Variants in IFI27L1 observed in about 807,000 individuals in gnomAD.
The protein encoded by IFI27L1 is interferon alpha inducible protein 27 like 1.
A neutral mutation model predicts 9.2 loss-of-function variants in IFI27L1; 3 were observed. The observed-to-expected ratio is 0.32, with a 90% confidence interval of 0.15 to 0.84. The LOEUF (loss-of-function observed/expected upper bound fraction) is 0.84. Ranked by LOEUF, IFI27L1 falls within the 40% of genes least tolerant of loss-of-function variation. The probability of loss-of-function intolerance (pLI) is 0.56; values close to 1 mark genes in which losing one functional copy is unlikely to be tolerated. For missense variants in IFI27L1, 133 were observed against 134.2 expected, an observed-to-expected ratio of 0.99 and a Z score of 0.05; for synonymous variants, 53 against 50.0, an observed-to-expected ratio of 1.06 and a Z score of -0.26.
intron 2 of IFI27L1, among the ~76,000 whole-genome samples, chr14:94,098,003 C>T (rs1396095746): frequency 2.0e-5 from 3 of 152,076 alleles, no homozygotes; most frequent in African/African-American, 2.4e-5. Context: ...AGTCTGAGGA[C>T]GGACCCTGGA....
intron 1 of IFI27L1, among the ~76,000 whole-genome samples, chr14:94,082,554 T>G (rs1886144277): frequency 6.6e-6 from 1 of 152,206 alleles, no homozygotes; most frequent in African/African-American, 2.4e-5. Context: ...AGCTCACTCT[T>G]TTGTTAGAGG....
At chr14:94,086,505 T>C (rs1294438026) in intron 1 of IFI27L1, among the ~76,000 whole-genome samples, 1 of 152,158 alleles carries the variant, frequency 6.6e-6, no homozygotes, top group African/African-American at 2.4e-5. Flanking sequence ...AATATTAATC[T>C]ATAACCAGGG....
chr14:94,084,397 G>A (rs911435076), intron 1 of IFI27L1, among the ~76,000 whole-genome samples: 2 of 152,184 alleles, frequency 1.3e-5, no homozygotes, highest in East Asian at 1.9e-4. Flanking sequence ...AGCTACTTAG[G>A]GGGCTGAAGT....
chr14:94,095,718 G>A (rs1028152151), intron 1 of IFI27L1, among the ~76,000 whole-genome samples: 4 of 152,088 alleles, frequency 2.6e-5, no homozygotes, highest in African/African-American at 9.7e-5. Flanking sequence ...GTGCGAATTT[G>A]TTCATTACCA....
chr14:94,096,365 T>C (rs1028217444), intron 1 of IFI27L1, among the ~76,000 whole-genome samples: 1 of 152,200 alleles, frequency 6.6e-6, no homozygotes, highest in Non-Finnish European at 1.5e-5. Context: ...TTGTGAATAA[T>C]GCTGCTACGA....
chr14:94,091,598 G>A (rs1192783932), intron 1 of IFI27L1, among the ~76,000 whole-genome samples: 1 of 152,032 alleles, frequency 6.6e-6, no homozygotes, highest in Non-Finnish European at 1.5e-5. Context: ...TTTGATTTTG[G>A]AAATTTTGCC....
intron 2 of IFI27L1, 40 bp downstream of exon 2, chr14:94,097,005 C>A: frequency 1.3e-6 from 2 of 1,563,664 alleles, no homozygotes; most frequent in Non-Finnish European, 1.7e-6. Flanking sequence ...CTGGTCCTTC[C>A]GAGGTGAATG....
chr14:94,085,258 G>T (rs537428197), intron 1 of IFI27L1, among the ~76,000 whole-genome samples: 1 of 152,208 alleles, frequency 6.6e-6, no homozygotes, highest in Admixed American at 6.5e-5. Context: ...CTAGAAGGGT[G>T]GGGGAATCAG....
intron 1 of IFI27L1, among the ~76,000 whole-genome samples, chr14:94,094,021 G>A (rs1886578974): frequency 6.6e-6 from 1 of 152,106 alleles, no homozygotes; most frequent in Non-Finnish European, 1.5e-5. Context: ...CTGGAAATGA[G>A]GCTGTGTCCC....
At chr14:94,084,413 G>A (rs549283865) in intron 1 of IFI27L1, among the ~76,000 whole-genome samples, 1 of 152,310 alleles carries the variant, frequency 6.6e-6, no homozygotes, top group African/African-American at 2.4e-5. Context: ...GAAGTGGGAG[G>A]ATTGCTTGAG....
Position 94,102,612 on chromosome 14 carries a change from C to T in IFI27L1, c.*44C>T. The T allele has an allele frequency of 8.9e-7, 1 of 1,126,630 alleles. No homozygotes were observed. Among genetic ancestry groups the T allele is most frequent in the Non-Finnish European group, 1.2e-6 (1 of 800,138 alleles). 69.8% of individuals were successfully genotyped at this position (1,126,630 alleles called of 1,614,324 possible). ...GAGTTGGCTCTCTTGGTGGAGATGA[C>T]TTTCCTGGGCCTCTGGATGACAATC... On this transcript the variant is annotated 3_prime_UTR_variant, in exon 5 of 5. Coordinates refer to ENST00000555523, the MANE Select transcript of IFI27L1 (RefSeq NM_206949.3).
intron 1 of IFI27L1, among the ~76,000 whole-genome samples, chr14:94,089,632 A>G (rs1000611809): frequency 2.6e-5 from 4 of 152,284 alleles, no homozygotes; most frequent in Non-Finnish European, 5.9e-5. Context: ...GTGACTAAGA[A>G]TGCGTAACCT....
At chr14:94,090,660 A>G (rs1886445067) in intron 1 of IFI27L1, among the ~76,000 whole-genome samples, 1 of 152,220 alleles carries the variant, frequency 6.6e-6, no homozygotes, top group Non-Finnish European at 1.5e-5. Context: ...GGAACCCTGT[A>G]CAGTGACTGT....
At chr14:94,094,662 A>G (rs891849217) in intron 1 of IFI27L1, 2 of 152,168 alleles carry the variant, frequency 1.3e-5, no homozygotes. Context: ...CTTGTTTAGC[A>G]TATAATCAAT....
chr14:94,101,343 G>T, intron 3 of IFI27L1: 1 of 219,192 alleles, frequency 4.6e-6, no homozygotes. Flanking sequence ...ATGGCTCTCT[G>T]ACTGCACTGC....
At chr14:94,100,814 T>TC (rs1015096846) in intron 3 of IFI27L1, 43 bp downstream of exon 3, 3 of 1,603,762 alleles carry the variant, frequency 1.9e-6, no homozygotes, top group Non-Finnish European at 2.6e-6. Flanking sequence ...ATCCCCCGCC[T>TC]CCCCCCAGCC....
At chr14:94,095,767 A>G (rs919475570) in intron 1 of IFI27L1, among the ~76,000 whole-genome samples, 2 of 152,176 alleles carry the variant, frequency 1.3e-5, no homozygotes, top group African/African-American at 4.8e-5. Flanking sequence ...ATTTTCCCCC[A>G]TGACCTGAGC....
intron 3 of IFI27L1, 44 bp downstream of exon 3, chr14:94,100,815 C>T (rs780479636): frequency 1.2e-6 from 2 of 1,600,838 alleles, no homozygotes; most frequent in East Asian, 2.2e-5. Context: ...TCCCCCGCCT[C>T]CCCCCAGCCC....
rs545646095 is a variant in IFI27L1, at chr14:94,101,758, G to A, written c.62-56G>A. ...CCTCATCGCCCCAGGAGGATGTCAG[G>A]GAAGTCTGGGGGACTCCGTCCCATG... On this transcript the variant is annotated intron_variant, in intron 3 of 4. Transcript: ENST00000555523. The A allele has an allele frequency of 6.2e-4, 991 of 1,587,028 alleles. 10 individuals carry two copies. The African/African-American group carries it at 0.012, about 20-fold the overall frequency.
Sources: allele counts gnomAD v4.1 joint callset (sites outside exome capture counted in the v4.1 genomes callset), GRCh38; gene constraint gnomAD v4.1.1; transcripts MANE v1.5; gene names NCBI Gene and HGNC (gene_info 2026-07-23, HGNC 2026-07-21).